ADCY1: variants seen among roughly 807,000 people sequenced by gnomAD.
ADCY1 encodes the protein adenylate cyclase type 1.
A neutral mutation model predicts 105.4 loss-of-function variants in ADCY1; 28 were observed. The ratio of observed to expected loss-of-function variants is 0.27; its 90% confidence interval spans 0.20 to 0.36. The LOEUF (loss-of-function observed/expected upper bound fraction) is 0.36. Ranked by LOEUF, ADCY1 falls within the 10% of genes least tolerant of loss-of-function variation. The pLI is 1.00. For synonymous variants in ADCY1, 655 were observed against 623.8 expected, an observed-to-expected ratio of 1.05 and a Z score of -0.75; for missense variants, 977 against 1,434.2, an observed-to-expected ratio of 0.68 and a Z score of 5.15.
chr7:45,689,206 GT>G (rs113713907), intron 14 of ADCY1, among the ~76,000 whole-genome samples: 46 of 152,164 alleles, frequency 3.0e-4, no homozygotes, highest in African/African-American at 1.1e-3. Flanking sequence ...TGCGCTCACT[GT>G]CAGCAGGGCT....
At chr7:45,649,713 G>A (rs190813173) in intron 5 of ADCY1, among the ~76,000 whole-genome samples, 1 of 152,188 alleles carries the variant, frequency 6.6e-6, no homozygotes, top group African/African-American at 2.4e-5. Flanking sequence ...TTGGGAGGAG[G>A]CTGGTACCTC....
intron 4 of ADCY1, among the ~76,000 whole-genome samples, chr7:45,634,331 T>C (rs1584289257): frequency 6.6e-6 from 1 of 152,164 alleles, no homozygotes; most frequent in Non-Finnish European, 1.5e-5. Flanking sequence ...GGGAAGGCAT[T>C]CTGTCTTGCA....
At chr7:45,617,018 G>C (rs964670778) in intron 3 of ADCY1, among the ~76,000 whole-genome samples, 1 of 152,214 alleles carries the variant, frequency 6.6e-6, no homozygotes, top group Non-Finnish European at 1.5e-5. Flanking sequence ...GCAGCTGGGA[G>C]GCTGTAAGCA....
At chr7:45,671,657 CA>C (rs1298676235) in intron 8 of ADCY1, among the ~76,000 whole-genome samples, 3 of 152,130 alleles carry the variant, frequency 2.0e-5, no homozygotes, top group African/African-American at 7.2e-5. Flanking sequence ...TTTATTTTGG[CA>C]TTTCACTGAT....
At chr7:45,587,355 C>G (rs986432917) in intron 1 of ADCY1, among the ~76,000 whole-genome samples, 1 of 152,132 alleles carries the variant, frequency 6.6e-6, no homozygotes, top group African/African-American at 2.4e-5. Context: ...AGGTGGCGCT[C>G]CATCCAGAAT....
intron 1 of ADCY1, among the ~76,000 whole-genome samples, chr7:45,583,427 A>G (rs779376611): frequency 3.3e-5 from 5 of 152,236 alleles, no homozygotes; most frequent in Admixed American, 6.5e-5. Flanking sequence ...CTGGTAGCAC[A>G]TTCTGAATCT....
At chr7:45,593,033 T>G (rs1017799175) in intron 2 of ADCY1, 125 bp downstream of exon 2, 3 of 1,362,274 alleles carry the variant, frequency 2.2e-6, no homozygotes, top group Non-Finnish European at 3.0e-6. Flanking sequence ...TTGGTACATG[T>G]TGGTATTTGA....
At chr7:45,650,959 C>T (rs1794793093) in intron 5 of ADCY1, among the ~76,000 whole-genome samples, 1 of 152,164 alleles carries the variant, frequency 6.6e-6, no homozygotes, top group Non-Finnish European at 1.5e-5. Context: ...TTGGCCAGCT[C>T]TCCTGGCATT....
intron 1 of ADCY1, among the ~76,000 whole-genome samples, chr7:45,586,984 C>G (rs1176587160): frequency 6.6e-6 from 1 of 152,254 alleles, no homozygotes; most frequent in Non-Finnish European, 1.5e-5. Flanking sequence ...GACTGTCCTG[C>G]AGTGGTTCTC....
At chr7:45,668,310 C>A (rs1003994543) in intron 8 of ADCY1, among the ~76,000 whole-genome samples, 6 of 152,150 alleles carry the variant, frequency 3.9e-5, no homozygotes, top group African/African-American at 1.4e-4. Flanking sequence ...CCCATCAATA[C>A]CTAATTTATT....
At chr7:45,669,093 A>G (rs1350410869) in intron 8 of ADCY1, among the ~76,000 whole-genome samples, 1 of 152,086 alleles carries the variant, frequency 6.6e-6, no homozygotes, top group Non-Finnish European at 1.5e-5. Flanking sequence ...TCCTGGATTC[A>G]TTGATTTTTT....
At chr7:45,653,246 TTTCCC>T (rs1300873158) in intron 5 of ADCY1, among the ~76,000 whole-genome samples, 3 of 152,120 alleles carry the variant, frequency 2.0e-5, no homozygotes, top group Non-Finnish European at 4.4e-5. Context: ...GAGCTTCAGT[TTTCCC>T]CCTCTGTAAA....
chr7:45,678,908 A>AATC (rs1315481678), intron 10 of ADCY1, among the ~76,000 whole-genome samples: 2 of 151,604 alleles, frequency 1.3e-5, no homozygotes. Context: ...TAATAATAAT[A>AATC]ACAATAACTT....
At chr7:45,583,945 T>TTTTG (rs1792641220) in intron 1 of ADCY1, among the ~76,000 whole-genome samples, 1 of 67,582 alleles carries the variant, frequency 1.5e-5, no homozygotes, top group Non-Finnish European at 3.5e-5. Flanking sequence ...CTGTTTTTTT[T>TTTTG]TTTTTTTTTT....
At chr7:45,641,517 A>T (rs891484026) in intron 4 of ADCY1, among the ~76,000 whole-genome samples, 1 of 152,068 alleles carries the variant, frequency 6.6e-6, no homozygotes, top group Admixed American at 6.5e-5. Context: ...TAACTCTATC[A>T]TCTGAGAACT....
At position 45,708,357 on chromosome 7, in the gene ADCY1, A is replaced by G. The variant is rs750641131; in HGVS notation, c.2825A>G (p.Lys942Arg). The G allele has an allele frequency of 4.1e-4, 663 of 1,613,730 alleles. 2 individuals are homozygous for G. The highest frequency in any genetic ancestry group is 5.5e-4 in the Non-Finnish European group (653 of 1,179,700). The change falls in exon 18 of 20, where the codon AAG (lysine) becomes AGG (arginine). Residue 942 changes from lysine (K) to arginine (R), a missense_variant. Lys to Arg is a conservative substitution (Grantham distance 26). Around this residue, in one of 7 missense-constraint regions of ADCY1, gnomAD observed 152 missense variants for 293.7 expected, o/e 0.52. Coordinates refer to ENST00000297323, the MANE Select transcript of ADCY1 (RefSeq NM_021116.4). The surrounding 1 kb of genome is among the most constrained non-coding windows in gnomAD (Gnocchi z 4.7). ...LAPTSGTKAK[K>R]SISSHLSTLA... is the part of the protein sequence containing the mutation. ...CCATCTGTTTACACCTAGGCTAAGA[A>G]GTCCATCTCCTCCCACCTGAGCACG...
chr7:45,577,367 C>T lies in ADCY1; in HGVS notation c.639+2185C>T, dbSNP rs371472241. 1.1e-4 allele frequency among the ~76,000 whole-genome samples: 17 copies of T among 152,270 alleles called. No individual in the cohort carries two copies. The East Asian group carries it at 3.1e-3, about 28-fold the overall frequency. ...ACACATGGGGATCAATGCAGGGAGA[C>T]TTACAGTGGGGGGAGCAGGGCAGAT... On this transcript the variant is annotated intron_variant, in intron 1 of 19. Coordinates refer to ENST00000297323, the MANE Select transcript of ADCY1 (RefSeq NM_021116.4).
chr7:45,596,413 G>C (rs1417062241), intron 2 of ADCY1, among the ~76,000 whole-genome samples: 1 of 152,076 alleles, frequency 6.6e-6, no homozygotes, highest in Non-Finnish European at 1.5e-5. Context: ...CTGGTCCTGG[G>C]AGAGGATCTG....
intron 8 of ADCY1, among the ~76,000 whole-genome samples, chr7:45,670,463 C>G (rs1049713683): frequency 3.9e-5 from 6 of 152,198 alleles, no homozygotes; most frequent in African/African-American, 1.4e-4. Flanking sequence ...TCTATTACTC[C>G]TGACTTGAGG....
Sources: gnomAD v4.1 joint callset for allele counts (sites outside exome capture counted in the v4.1 genomes callset) on GRCh38, gnomAD v4.1.1 for gene constraint, gnomAD v4.1.1 regional missense constraint, Gnocchi (gnomAD v3.1) non-coding constraint, MANE v1.5 for transcripts, NCBI Gene and HGNC (gene_info 2026-07-23, HGNC 2026-07-21) for gene names.